The following IGF2BP2 variants were observed in gnomAD, a reference collection of about 807,000 sequenced individuals.
IGF2BP2 encodes insulin-like growth factor 2 mRNA-binding protein 2.
In IGF2BP2, 17 loss-of-function variants were observed where a neutral mutation model predicts 75.8. The ratio of observed to expected loss-of-function variants is 0.22; its 90% CI spans 0.15 to 0.34. IGF2BP2 has a LOEUF of 0.34. IGF2BP2 is among the 10% of genes least tolerant of loss of function. The probability of loss-of-function intolerance (pLI) is 1.00; values close to 1 mark genes in which losing one functional copy is unlikely to be tolerated. For missense variants in IGF2BP2, 516 were observed against 772.4 expected (o/e 0.67, Z 3.93); for synonymous variants, 288 against 295.6 (o/e 0.97, Z 0.26).
At chr3:185,658,773 G>A (rs534165703) in intron 10 of IGF2BP2, among the ~76,000 whole-genome samples, 13 of 152,326 alleles carry the variant, frequency 8.5e-5, no homozygotes, top group Admixed American at 8.5e-4. Flanking sequence ...GGGTGGAGAG[G>A]CGGGGCCAGT....
At chr3:185,665,084 G>A (rs1577873322) in intron 10 of IGF2BP2, among the ~76,000 whole-genome samples, 2 of 150,738 alleles carry the variant, frequency 1.3e-5, no homozygotes, top group African/African-American at 4.9e-5. Context: ...AGCATCACTT[G>A]AGCCCAGGAG....
At chr3:185,654,922 G>C (rs1369224915) in intron 12 of IGF2BP2, among the ~76,000 whole-genome samples, 1 of 152,164 alleles carries the variant, frequency 6.6e-6, no homozygotes, top group Non-Finnish European at 1.5e-5. Context: ...ACCTCCTCTG[G>C]GCGCTCTCCT....
Position 185,812,644 on chromosome 3 carries a change from T to C in IGF2BP2, c.239+10509A>G, listed in dbSNP as rs141424151. 5.0e-3 allele frequency among the ~76,000 whole-genome samples: 768 copies of C among 152,318 alleles called. 12 individuals are homozygous for C. The highest frequency in any genetic ancestry group is 0.018 in the African/African-American group (739 of 41,576). ...CTGTAGGGTGGGTGCTTACAAACTGTGTTTTAAAGCAGCAAACCCCTTTTC... is the reference window on the plus strand; with the variant it reads ...CTGTAGGGTGGGTGCTTACAAACTGCGTTTTAAAGCAGCAAACCCCTTTTC... On this transcript the variant is annotated intron_variant, in intron 2 of 15. Coordinates refer to ENST00000382199, the MANE Select transcript of IGF2BP2 (RefSeq NM_006548.6).
chr3:185,822,117 T>C (rs540590611), intron 2 of IGF2BP2, among the ~76,000 whole-genome samples: 34 of 152,320 alleles, frequency 2.2e-4, no homozygotes, highest in Admixed American at 2.0e-3. Flanking sequence ...TGGCACACAA[T>C]TTTTAAAAAT....
Position 185,689,446 on chromosome 3 carries a change from GC to G in IGF2BP2, c.585del (p.Leu196CysfsTer19). 6.2e-7 allele frequency: 1 copy of G among 1,613,944 alleles called. No homozygotes were observed. ...AACTGGGTGGGGACCAGGATCCGCAGCGGGAAATCAATCTGTCTGGCCTGAG... is the reference window on the plus strand; with the variant it reads ...AACTGGGTGGGGACCAGGATCCGCAGGGGAAATCAATCTGTCTGGCCTGAG... Reference protein sequence around the residue: ...GTSQARQIDFPLRILVPTQFV... With the variant: ...GTSQARQIDFXLRILVPTQFV... On this transcript the variant is annotated frameshift_variant, in exon 6 of 16. Transcript: ENST00000382199. LOFTEE classifies it high-confidence loss of function.
intron 2 of IGF2BP2, among the ~76,000 whole-genome samples, chr3:185,714,008 T>C (rs1485636728): frequency 1.3e-5 from 2 of 152,258 alleles, no homozygotes; most frequent in African/African-American, 4.8e-5. Flanking sequence ...GCCCAAGTAC[T>C]GTATATTCTT....
intron 2 of IGF2BP2, among the ~76,000 whole-genome samples, chr3:185,796,618 A>G (rs931316414): frequency 1.1e-4 from 10 of 91,054 alleles, no homozygotes; most frequent in Admixed American, 6.6e-4. Context: ...CTGAGCTAGG[A>G]AAAAAAAAAA....
Position 185,756,565 on chromosome 3 carries a change from G to A in IGF2BP2, c.240-58218C>T, listed in dbSNP as rs375365929. On this transcript the variant is annotated intron_variant, in intron 2 of 15. Transcript: ENST00000382199. ...CTTCCTCAACCAATATCCTAGTTCAGGCTCTTATTACCCAACACCTAAACA... is the reference window on the plus strand; with the variant it reads ...CTTCCTCAACCAATATCCTAGTTCAAGCTCTTATTACCCAACACCTAAACA... 6.6e-5 allele frequency among the ~76,000 whole-genome samples: 10 copies of A among 151,886 alleles called. No homozygotes were observed. The South Asian group carries it at 1.5e-3, about 22-fold the overall frequency.
intron 2 of IGF2BP2, among the ~76,000 whole-genome samples, chr3:185,770,129 G>C (rs1262915290): frequency 6.6e-6 from 1 of 152,120 alleles, no homozygotes; most frequent in Non-Finnish European, 1.5e-5. Flanking sequence ...CAGAACTGGG[G>C]GATGGTCTCT....
In IGF2BP2 at chr3:185,647,844, G is replaced by A. The variant is rs1465918514; in HGVS notation, c.1594-706C>T. Among the ~76,000 whole-genome samples, 1 of 152,254 alleles carries A rather than the reference G, an allele frequency of 6.6e-6. No individual in the cohort carries two copies. Among genetic ancestry groups the A allele is most frequent in the Non-Finnish European group, 1.5e-5 (1 of 68,036 alleles). On this transcript the variant is annotated intron_variant, in intron 14 of 15. Coordinates refer to ENST00000382199, the MANE Select transcript of IGF2BP2 (RefSeq NM_006548.6). The surrounding 1 kb of genome is among the most constrained non-coding windows in gnomAD (Gnocchi z 4.9). ...CCGTCCTCTGGCCCTCTGGCCTGAT[G>A]CCGAGCTCACAGGCGGGTTCAGCAT...
In IGF2BP2 at chr3:185,689,576, A is replaced by T. The variant is rs754540215; in HGVS notation, c.456T>A (p.Ile152=). Residue 152 remains isoleucine (I), a synonymous_variant, in exon 6 of 16, where the codon ATT becomes ATA. Coordinates refer to ENST00000382199, the MANE Select transcript of IGF2BP2 (RefSeq NM_006548.6). ...TCACCTCTTCATCCGGGATGTAGGA[A>T]ATCTTGAAGGAGTAGTTCTCAAACT... The part of the protein sequence containing the change: ...GHQFENYSFK[I]SYIPDEEVSS... 1.2e-6 allele frequency: 2 copies of T among 1,614,072 alleles called. No homozygotes were observed. Among genetic ancestry groups the T allele is most frequent in the Non-Finnish European group, 8.5e-7 (1 of 1,180,022 alleles).
chr3:185,672,800 C>T (rs2149218099), intron 9 of IGF2BP2, 131 bp from the exon 10 acceptor site: 9 of 980,044 alleles, frequency 9.2e-6, no homozygotes, highest in Non-Finnish European at 1.4e-5. Flanking sequence ...TCTTCCTACC[C>T]TGTATCAGAG....
chr3:185,824,955 C>A lies in IGF2BP2; in HGVS notation c.6G>T (p.Met2Ile). 1 of 1,534,360 alleles carries A rather than the reference C, an allele frequency of 6.5e-7. No homozygotes were observed. Residue 2 changes from methionine (M) to isoleucine (I), a missense_variant, in exon 1 of 16, where the codon ATG (methionine) becomes ATT (isoleucine). Met to Ile is a conservative substitution (Grantham distance 10). Around this residue, in one of 3 missense-constraint regions of IGF2BP2, gnomAD observed 312 missense variants for 474.5 expected, o/e 0.66. Transcript: ENST00000382199. ...TCAGGTTCCCGATGTAAAGCTTGTTCATCATCCGTCTCTTCCCCGAGAGCC... is the reference window on the plus strand; with the variant it reads ...TCAGGTTCCCGATGTAAAGCTTGTTAATCATCCGTCTCTTCCCCGAGAGCC... Reference protein sequence around the residue: MMNKLYIGNLSP... With the variant: MINKLYIGNLSP...
At chr3:185,665,290 A>AAGGAGG (rs1183303988) in intron 10 of IGF2BP2, among the ~76,000 whole-genome samples, 1 of 98,346 alleles carries the variant, frequency 1.0e-5, no homozygotes, top group Non-Finnish European at 2.1e-5. Context: ...GAAGAAGAAG[A>AAGGAGG]AGGAGGAGAA....
chr3:185,676,028 G>T, intron 7 of IGF2BP2, 115 bp from the exon 8 acceptor site: 1 of 1,355,566 alleles, frequency 7.4e-7, no homozygotes, highest in Non-Finnish European at 1.0e-6. Context: ...GGTACCAAGT[G>T]ATGATGGGAT....
At chr3:185,675,228 C>T in intron 9 of IGF2BP2, 68 bp downstream of exon 9, 2 of 1,529,988 alleles carry the variant, frequency 1.3e-6, no homozygotes, top group South Asian at 2.4e-5. Context: ...GGCACTTCCT[C>T]ATTAGCTGAA....
chr3:185,772,251 A>G (rs897085842), intron 2 of IGF2BP2, among the ~76,000 whole-genome samples: 4 of 152,226 alleles, frequency 2.6e-5, no homozygotes, highest in Non-Finnish European at 4.4e-5. Context: ...TGTTTGCTGA[A>G]TAATGAATAC....
chr3:185,713,072 GTA>G lies in IGF2BP2; in HGVS notation c.240-14727_240-14726del, dbSNP rs201013290. 4.9e-4 allele frequency among the ~76,000 whole-genome samples: 71 copies of G among 145,132 alleles called. No homozygotes were observed. In the East Asian group the frequency reaches 7.5e-3, roughly 15 times the overall value. ...GTTGCATAGCCTGCCCTACAGATAT[GTA>G]TGTGTGTGTGTGTGTGTGTGTGTGT... is the stretch of plus-strand genomic sequence containing the variant. On this transcript the variant is annotated intron_variant, in intron 2 of 15. Transcript: ENST00000382199.
At chr3:185,716,612 C>T (rs769573932) in intron 2 of IGF2BP2, 26 of 519,816 alleles carry the variant, frequency 5.0e-5, no homozygotes, top group Non-Finnish European at 7.3e-5. Context: ...TACTTTTCTT[C>T]GGGGGCAGGT....
Sources: gnomAD v4.1 joint callset for allele counts (sites outside exome capture counted in the v4.1 genomes callset) on GRCh38, gnomAD v4.1.1 for gene constraint, gnomAD v4.1.1 regional missense constraint, Gnocchi (gnomAD v3.1) non-coding constraint, MANE v1.5 for transcripts, NCBI Gene and HGNC (gene_info 2026-07-23, HGNC 2026-07-21) for gene names.